Variants in TRIQK observed in about 807,000 individuals in gnomAD.
TRIQK encodes the protein triple QxxK/R motif containing.
A neutral mutation model predicts 10.8 loss-of-function variants in TRIQK; 10 were observed. The ratio of observed to expected loss-of-function variants is 0.92; its 90% CI spans 0.57 to 1.57. The LOEUF is 1.57. Ranked by LOEUF, TRIQK falls within the 40% of genes most tolerant of loss-of-function variation. The probability of loss-of-function intolerance (pLI) is 0.00; values close to 1 mark genes in which losing one functional copy is unlikely to be tolerated. For missense variants in TRIQK, 107 were observed against 97.7 expected, an observed-to-expected ratio of 1.09 and a Z score of -0.40; for synonymous variants, 33 against 33.7, an observed-to-expected ratio of 0.98 and a Z score of 0.07.
chr8:93,002,433 A>G (rs1586528296), intron 1 of TRIQK, among the ~76,000 whole-genome samples: 1 of 152,134 alleles, frequency 6.6e-6, no homozygotes, highest in South Asian at 2.1e-4. Flanking sequence ...ATTGCAACAG[A>G]TATCACAGAA....
intron 3 of TRIQK, among the ~76,000 whole-genome samples, chr8:92,908,338 T>TA (rs1391552748): frequency 3.9e-5 from 6 of 152,156 alleles, no homozygotes; most frequent in Non-Finnish European, 8.8e-5. Context: ...TTTGCTGCTT[T>TA]AAAAATTAAT....
chr8:92,944,099 C>T (rs543341233), intron 2 of TRIQK, among the ~76,000 whole-genome samples: 1 of 151,996 alleles, frequency 6.6e-6, no homozygotes, highest in Non-Finnish European at 1.5e-5. Flanking sequence ...AAATGGCCAA[C>T]AGTTATATTA....
intron 1 of TRIQK, among the ~76,000 whole-genome samples, chr8:92,982,367 T>C (rs1288005484): frequency 1.3e-5 from 2 of 152,040 alleles, no homozygotes; most frequent in African/African-American, 2.4e-5. Context: ...TAAAGATTTA[T>C]GTATTACGTG....
intron 1 of TRIQK, among the ~76,000 whole-genome samples, chr8:93,012,117 T>C (rs763975002): frequency 6.6e-6 from 1 of 152,226 alleles, no homozygotes; most frequent in African/African-American, 2.4e-5. Flanking sequence ...TTGATAGGAA[T>C]TAGAAATGGC....
chr8:92,984,735 A>G (rs1206141980), intron 1 of TRIQK, among the ~76,000 whole-genome samples: 1 of 152,256 alleles, frequency 6.6e-6, no homozygotes, highest in African/African-American at 2.4e-5. Flanking sequence ...TGCCAGTTTT[A>G]TGAAAGTCCA....
At chr8:92,900,305 A>G (rs1808859137) in intron 3 of TRIQK, among the ~76,000 whole-genome samples, 1 of 152,108 alleles carries the variant, frequency 6.6e-6, no homozygotes, top group Admixed American at 6.6e-5. Context: ...GTGAACTATG[A>G]TTCAAGAAAT....
chr8:92,893,657 T>A (rs766784145), intron 3 of TRIQK, among the ~76,000 whole-genome samples: 4 of 152,060 alleles, frequency 2.6e-5, no homozygotes, highest in Non-Finnish European at 2.9e-5. Flanking sequence ...AAACTATTCA[T>A]GTCATTATTC....
intron 2 of TRIQK, among the ~76,000 whole-genome samples, chr8:92,952,053 G>GA (rs1398948453): frequency 4.8e-5 from 7 of 145,838 alleles, no homozygotes; most frequent in South Asian, 2.2e-4. Context: ...TGGCTATCAA[G>GA]AAAAAATTAC....
intron 3 of TRIQK, among the ~76,000 whole-genome samples, chr8:92,909,329 A>G (rs1008211128): frequency 6.6e-6 from 1 of 151,972 alleles, no homozygotes; most frequent in Non-Finnish European, 1.5e-5. Context: ...GTACCTTTAC[A>G]TTTAATAAAT....
At chr8:92,901,867 G>T (rs539009334) in intron 3 of TRIQK, among the ~76,000 whole-genome samples, 1 of 152,200 alleles carries the variant, frequency 6.6e-6, no homozygotes, top group African/African-American at 2.4e-5. Flanking sequence ...GAAGCCATCA[G>T]GTTCTGGGCT....
chr8:92,888,930 A>G (rs1379344206), intron 4 of TRIQK, among the ~76,000 whole-genome samples: 1 of 151,678 alleles, frequency 6.6e-6, no homozygotes, highest in African/African-American at 2.4e-5. Context: ...TCTGAAAAAA[A>G]AGTTGGTGAT....
At chr8:93,002,995 T>C (rs1813229657) in intron 1 of TRIQK, among the ~76,000 whole-genome samples, 2 of 151,064 alleles carry the variant, frequency 1.3e-5, no homozygotes, top group Non-Finnish European at 2.9e-5. Context: ...AGCATTACCC[T>C]AATACCAAAA....
At chr8:92,935,784 A>G (rs902155485) in intron 2 of TRIQK, among the ~76,000 whole-genome samples, 2 of 151,534 alleles carry the variant, frequency 1.3e-5, no homozygotes, top group East Asian at 3.8e-4. Flanking sequence ...TTAACATTAT[A>G]TAACAAGAAG....
At chr8:92,999,929 A>G (rs1481634147) in intron 1 of TRIQK, among the ~76,000 whole-genome samples, 1 of 152,136 alleles carries the variant, frequency 6.6e-6, no homozygotes, top group South Asian at 2.1e-4. Context: ...TCATTATTTC[A>G]GTTGTTAAAA....
intron 3 of TRIQK, among the ~76,000 whole-genome samples, chr8:92,895,711 T>C (rs1808557536): frequency 6.6e-6 from 1 of 152,160 alleles, no homozygotes. Flanking sequence ...CCATGTCAAA[T>C]ACTTTATATG....
chr8:92,991,795 CTTT>C (rs993903711), intron 1 of TRIQK, among the ~76,000 whole-genome samples: 6 of 152,174 alleles, frequency 3.9e-5, no homozygotes, highest in African/African-American at 9.7e-5. Flanking sequence ...TGATAAGCAA[CTTT>C]AGCAAAGTCT....
chr8:92,933,700 A>G (rs570227466), intron 2 of TRIQK, among the ~76,000 whole-genome samples: 2 of 152,280 alleles, frequency 1.3e-5, no homozygotes, highest in South Asian at 4.1e-4. Context: ...GTATGTTTAC[A>G]TGGGTATTTA....
intron 2 of TRIQK, among the ~76,000 whole-genome samples, chr8:92,947,185 T>C (rs1381410794): frequency 6.6e-6 from 1 of 152,138 alleles, no homozygotes; most frequent in South Asian, 2.1e-4. Flanking sequence ...AGACTGGACT[T>C]TTCTTTTAAT....
At chr8:93,009,373 G>A (rs1813306366) in intron 1 of TRIQK, among the ~76,000 whole-genome samples, 1 of 152,164 alleles carries the variant, frequency 6.6e-6, no homozygotes, top group Non-Finnish European at 1.5e-5. Flanking sequence ...ACTTTGGGAG[G>A]CCGAGGTGGG....
Sources: allele counts gnomAD v4.1 joint callset (sites outside exome capture counted in the v4.1 genomes callset), GRCh38; gene constraint gnomAD v4.1.1; transcripts MANE v1.5; gene names NCBI Gene and HGNC (gene_info 2026-07-23, HGNC 2026-07-21).